The following ATP11A variants were observed in gnomAD, a reference collection of about 807,000 sequenced individuals.
ATP11A encodes the protein ATPase phospholipid transporting 11A, also known as phospholipid-transporting ATPase IH.
In ATP11A, 81 loss-of-function variants were observed where a neutral mutation model predicts 154.4. That is an observed-to-expected ratio of 0.52 (90% confidence interval 0.44 to 0.63). ATP11A has a LOEUF of 0.63. Among genes scored for constraint, ATP11A ranks in the 30% least tolerant of loss-of-function variants. The probability of loss-of-function intolerance (pLI) is 0.00; values close to 1 mark genes in which losing one functional copy is unlikely to be tolerated. For synonymous variants in ATP11A, 623 were observed against 585.9 expected (o/e 1.06, Z -0.91); for missense variants, 1,316 against 1,474.3 (o/e 0.89, Z 1.76).
At position 112,880,021 on chromosome 13, in the gene ATP11A, A is replaced by T. The variant is rs138909844; in HGVS notation, c.*9+1718A>T. ...CTCACCTGGGCGTTTGCCCATTCAG[A>T]CGTGCAATTGTGCAATTCCAAGCCC... On this transcript the variant is annotated intron_variant, in intron 29 of 29. Coordinates refer to ENST00000375645, the MANE Select transcript of ATP11A (RefSeq NM_015205.3). 3.9e-5 allele frequency among the ~76,000 whole-genome samples: 6 copies of T among 152,186 alleles called. No homozygotes were observed. The East Asian group carries it at 1.2e-3, about 29-fold the overall frequency.
At chr13:112,877,324 C>T (rs555411950) in intron 28 of ATP11A, among the ~76,000 whole-genome samples, 9 of 152,330 alleles carry the variant, frequency 5.9e-5, no homozygotes, top group African/African-American at 1.2e-4. Flanking sequence ...GCCTGTGGCC[C>T]GAGAAGCAGC....
chr13:112,794,224 C>G (rs2077937442), intron 2 of ATP11A, among the ~76,000 whole-genome samples: 1 of 152,146 alleles, frequency 6.6e-6, no homozygotes, highest in Non-Finnish European at 1.5e-5. Flanking sequence ...GTATCACAGT[C>G]GAAGGGCCCA....
chr13:112,722,520 G>A (rs1376377245), intron 1 of ATP11A, among the ~76,000 whole-genome samples: 5 of 152,264 alleles, frequency 3.3e-5, no homozygotes, highest in African/African-American at 9.6e-5. Context: ...CTGTGCCAGC[G>A]TTTGTGCTGG....
At chr13:112,808,171 G>A (rs2078376702) in intron 4 of ATP11A, among the ~76,000 whole-genome samples, 1 of 152,114 alleles carries the variant, frequency 6.6e-6, no homozygotes, top group South Asian at 2.1e-4. Flanking sequence ...AACATGTGGT[G>A]TCCTCGGCCC....
chr13:112,751,693 A>G (rs2076695408), intron 1 of ATP11A, among the ~76,000 whole-genome samples: 2 of 151,384 alleles, frequency 1.3e-5, no homozygotes, highest in Admixed American at 1.3e-4. Context: ...AAAAAAACAG[A>G]CATTGGCCCT....
At chr13:112,853,409 C>CT (rs1259913578) in intron 18 of ATP11A, among the ~76,000 whole-genome samples, 2 of 152,124 alleles carry the variant, frequency 1.3e-5, no homozygotes, top group African/African-American at 4.8e-5. Flanking sequence ...TTCCCAAAAC[C>CT]TAACCAGATC....
rs1038135301 is a variant in ATP11A at position 112,882,740 on chromosome 13, AGGGCACGGAGC to A, written c.*875_*885del. The stretch of plus-strand genomic sequence containing the variant: ...CCAGGATGTCCATCAGCCACTCGCC[AGGGCACGGAGC>A]CGTCAGTCCACTGTTACGGGAGAAT... On this transcript the variant is annotated 3_prime_UTR_variant, in exon 30 of 30. Transcript: ENST00000375645. This position sits in a 1 kb window ranked among gnomAD's most constrained non-coding sequence, Gnocchi z 5.1. 2 of 399,814 alleles carry A rather than the reference AGGGCACGGAGC, an allele frequency of 5.0e-6. No homozygotes were observed. The highest frequency in any genetic ancestry group is 4.4e-5 in the Admixed American group (1 of 22,804). The allele number at this position is 399,814 out of a possible 1,614,324, so 24.8% of individuals were successfully genotyped here. A position where few individuals can be genotyped will look rare whatever the true frequency, so the allele number is the denominator to read the frequency against.
rs1177083379 is a variant in ATP11A, at chr13:112,858,191, T to C, written c.2568T>C (p.Tyr856=). ...EGRQAARNSD[Y]AIPKFKHLKK... is the part of the protein sequence containing the mutation. ...GCCAGGCTGCCAGGAACAGCGACTA[T>C]GCAATCCCAAAGTTTAAGCATTTGA... The change falls in exon 22 of 30, where the codon TAT becomes TAC. Residue 856 remains tyrosine (Y), a synonymous_variant. Transcript: ENST00000375645. The C allele has an allele frequency of 2.5e-6, 4 of 1,613,934 alleles. No individual in the cohort carries two copies. Among genetic ancestry groups the C allele is most frequent in the Non-Finnish European group, 2.5e-6 (3 of 1,180,032 alleles).
At chr13:112,765,736 C>A (rs2077059992) in intron 1 of ATP11A, among the ~76,000 whole-genome samples, 1 of 152,242 alleles carries the variant, frequency 6.6e-6, no homozygotes, top group Non-Finnish European at 1.5e-5. Context: ...GGGGAAATGT[C>A]TCTGAGAACG....
At chr13:112,714,476 TCA>T (rs949209961) in intron 1 of ATP11A, among the ~76,000 whole-genome samples, 9 of 152,068 alleles carry the variant, frequency 5.9e-5, no homozygotes, top group African/African-American at 2.2e-4. Flanking sequence ...TTCTCCCTCC[TCA>T]CTCCCCGAAC....
intron 1 of ATP11A, among the ~76,000 whole-genome samples, chr13:112,772,566 T>C (rs978328702): frequency 2.5e-5 from 2 of 81,544 alleles, no homozygotes; most frequent in Non-Finnish European, 7.0e-5. Context: ...TACCAGGCCC[T>C]CCCAAGTGCT....
intron 25 of ATP11A, among the ~76,000 whole-genome samples, chr13:112,866,765 A>G (rs1566593549): frequency 3.6e-5 from 1 of 27,636 alleles, no homozygotes; most frequent in Non-Finnish European, 9.5e-5. Context: ...CCTGTGCACC[A>G]TTTACCTGCT....
rs758433965 is a variant in ATP11A at position 112,836,245 on chromosome 13, G to C, written c.1699G>C (p.Ala567Pro). The change falls in exon 16 of 30, where the codon GCT becomes CCT. Residue 567 changes from alanine to proline, a missense_variant. By Grantham distance (27) the Ala-to-Pro change is conservative. Coordinates refer to ENST00000375645, the MANE Select transcript of ATP11A (RefSeq NM_015205.3). Reference sequence around the variant, plus strand: ...GAGAATGAGTGTAATTGTAAAATCTGCTACAGGTAAAATTTCTTTTTCTTT... The same window carrying C: ...GAGAATGAGTGTAATTGTAAAATCTCCTACAGGTAAAATTTCTTTTTCTTT... ...RRRMSVIVKS[A>P]TGEIYLFCKG... 1.2e-6 allele frequency: 2 copies of C among 1,603,442 alleles called. No individual in the cohort carries two copies. The highest frequency in any genetic ancestry group is 2.7e-5 in the African/African-American group (2 of 74,680).
intron 1 of ATP11A, among the ~76,000 whole-genome samples, chr13:112,742,399 G>A (rs773256807): frequency 2.4e-4 from 36 of 152,274 alleles, no homozygotes; most frequent in South Asian, 8.3e-4. Context: ...CCCTGCGGGC[G>A]CTGGTCTCTG....
At chr13:112,779,043 C>T (rs1305855869) in intron 1 of ATP11A, among the ~76,000 whole-genome samples, 7 of 132,854 alleles carry the variant, frequency 5.3e-5, no homozygotes, top group South Asian at 2.5e-4. Flanking sequence ...GAGGAGTAGC[C>T]GCTGGAGTGA....
chr13:112,855,623 C>G (rs2079899780), intron 19 of ATP11A, among the ~76,000 whole-genome samples: 1 of 152,190 alleles, frequency 6.6e-6, no homozygotes, highest in South Asian at 2.1e-4. Flanking sequence ...TCTTAGACCA[C>G]AAGATGAACG....
intron 24 of ATP11A, among the ~76,000 whole-genome samples, chr13:112,861,104 G>A (rs113796505): frequency 2.0e-5 from 3 of 152,242 alleles, no homozygotes; most frequent in African/African-American, 4.8e-5. Context: ...ACAGGAGAGC[G>A]TGTGCAGGAG....
rs1311955682 is a variant in ATP11A, at chr13:112,875,065, GC to G, written c.3162-706del. 6.6e-6 allele frequency among the ~76,000 whole-genome samples: 1 copy of G among 152,154 alleles called. No homozygotes were observed. The highest frequency in any genetic ancestry group is 1.5e-5 in the Non-Finnish European group (1 of 68,034). ...TGCCCGCCACCAGCACCACGTGGGT[GC>G]CCCCAGCCCCATCCCAGGTCTGCCA... is the stretch of plus-strand genomic sequence containing the variant. On this transcript the variant is annotated intron_variant, in intron 27 of 29. Transcript: ENST00000375645. The surrounding 1 kb of genome is among the most constrained non-coding windows in gnomAD (Gnocchi z 4.1).
Position 112,873,621 on chromosome 13 carries a change from T to C in ATP11A, c.3106T>C (p.Trp1036Arg). ...GACTTGGATCAACCATTTTGTCATC[T>C]GGGGGTCGCTGCTGTTCTACGTTGT... Reference protein sequence around the residue: ...YWTWINHFVIWGSLLFYVVFS... With the variant: ...YWTWINHFVIRGSLLFYVVFS... The change falls in exon 27 of 30, where the codon TGG (tryptophan) becomes CGG (arginine). Residue 1036 changes from tryptophan (W) to arginine (R), a missense_variant. Trp to Arg is a moderately radical substitution (Grantham distance 101). Transcript: ENST00000375645. 1 of 1,613,408 alleles carries C rather than the reference T, an allele frequency of 6.2e-7. No homozygotes were observed. Among genetic ancestry groups the C allele is most frequent in the Non-Finnish European group, 8.5e-7 (1 of 1,179,816 alleles).
Sources: allele counts gnomAD v4.1 joint callset (sites outside exome capture counted in the v4.1 genomes callset), GRCh38; gene constraint gnomAD v4.1.1; non-coding constraint Gnocchi (gnomAD v3.1); transcripts MANE v1.5; gene names NCBI Gene and HGNC (gene_info 2026-07-23, HGNC 2026-07-21).